EEIG1: variants seen among roughly 807,000 people sequenced by gnomAD.
EEIG1 encodes estrogen-induced osteoclastogenesis regulator 1, also known as early estrogen-induced gene 1 protein.
At chr9:127,947,393 G>A in the EEIG1 span, among the ~76,000 whole-genome samples, 1 of 151,804 alleles carries the variant, frequency 6.6e-6, no homozygotes, top group Non-Finnish European at 1.5e-5. Flanking sequence ...GTGAGATTGC[G>A]CCACTGCACT....
the EEIG1 span, among the ~76,000 whole-genome samples, chr9:127,966,490 T>C: frequency 3.3e-5 from 5 of 151,640 alleles, no homozygotes; most frequent in African/African-American, 1.2e-4. Context: ...GCATCCCTAT[T>C]TTACAAGCAC....
the EEIG1 span, among the ~76,000 whole-genome samples, chr9:127,970,419 G>T: frequency 6.6e-6 from 1 of 152,084 alleles, no homozygotes; most frequent in Non-Finnish European, 1.5e-5. Context: ...GCGCCTGGCC[G>T]CATCATACAC....
At chr9:127,957,685 C>T in the EEIG1 span, among the ~76,000 whole-genome samples, 11 of 152,298 alleles carry the variant, frequency 7.2e-5, no homozygotes, top group East Asian at 1.3e-3. Context: ...TAAAAATTCA[C>T]GCTTTTGATT....
chr9:127,969,128 G>A, the EEIG1 span, among the ~76,000 whole-genome samples: 1 of 152,202 alleles, frequency 6.6e-6, no homozygotes, highest in Non-Finnish European at 1.5e-5. Context: ...TGGGATTTGG[G>A]GAGAGCACAG....
chr9:127,947,023 C>A, the EEIG1 span, among the ~76,000 whole-genome samples: 2 of 152,166 alleles, frequency 1.3e-5, no homozygotes, highest in Non-Finnish European at 2.9e-5. Flanking sequence ...CCTGGCAACA[C>A]CCCCTCCTCC....
chr9:127,961,972 C>T, the EEIG1 span, among the ~76,000 whole-genome samples: 1 of 152,212 alleles, frequency 6.6e-6, no homozygotes, highest in Non-Finnish European at 1.5e-5. Context: ...GGGGCAGTCC[C>T]CACGGTGTCC....
chr9:127,966,169 G>T, the EEIG1 span, among the ~76,000 whole-genome samples: 3 of 152,164 alleles, frequency 2.0e-5, no homozygotes, highest in Non-Finnish European at 2.9e-5. Flanking sequence ...GCAGGGCATG[G>T]GCACAGGGTG....
At chr9:127,953,712 G>T in the EEIG1 span, 6 of 1,608,268 alleles carry the variant, frequency 3.7e-6, no homozygotes, top group African/African-American at 4.0e-5. Context: ...AACGGGCAGA[G>T]CAACTCACCC....
chr9:127,943,188 C>T, the EEIG1 span: 165 of 1,614,090 alleles, frequency 1.0e-4, 1 homozygote, highest in South Asian at 1.3e-3. Flanking sequence ...CGGACACCTG[C>T]TCCTCAATGG....
the EEIG1 span, chr9:127,944,577 C>A: frequency 6.6e-7 from 1 of 1,510,964 alleles, no homozygotes; most frequent in East Asian, 2.3e-5. Flanking sequence ...CCCCCAAGCC[C>A]CAGCCGCCCC....
chr9:127,943,281 T>C, the EEIG1 span: 12 of 1,594,402 alleles, frequency 7.5e-6, no homozygotes, highest in Non-Finnish European at 1.0e-5. Context: ...CGATACCCCA[T>C]TTCCTGAGCG....
chr9:127,972,049 C>T, the EEIG1 span, among the ~76,000 whole-genome samples: 2 of 152,090 alleles, frequency 1.3e-5, no homozygotes, highest in African/African-American at 4.8e-5. This position sits in a 1 kb window ranked among gnomAD's most constrained non-coding sequence, Gnocchi z 4.3. Context: ...GCCTGACAGC[C>T]AGTGCCCTCT....
chr9:127,976,757 C>T, the EEIG1 span, among the ~76,000 whole-genome samples: 6 of 152,082 alleles, frequency 3.9e-5, no homozygotes, highest in African/African-American at 9.7e-5. The surrounding 1 kb of genome is among the most constrained non-coding windows in gnomAD (Gnocchi z 4.1). Flanking sequence ...CCAGCCAGGA[C>T]GGCAGGTGCT....
the EEIG1 span, among the ~76,000 whole-genome samples, chr9:127,965,788 G>A: frequency 6.6e-6 from 1 of 152,234 alleles, no homozygotes; most frequent in Admixed American, 6.5e-5. Context: ...CGCCTGGGAG[G>A]AGCCTGCCCT....
chr9:127,965,887 C>G, the EEIG1 span, among the ~76,000 whole-genome samples: 30 of 152,334 alleles, frequency 2.0e-4, no homozygotes, highest in African/African-American at 7.0e-4. Flanking sequence ...TCAGGGGGAG[C>G]AGCTCACAGT....
At chr9:127,968,094 C>G in the EEIG1 span, among the ~76,000 whole-genome samples, 3 of 151,290 alleles carry the variant, frequency 2.0e-5, no homozygotes, top group African/African-American at 7.3e-5. Context: ...GCCACCACGC[C>G]TGGCTTCCTT....
the EEIG1 span, among the ~76,000 whole-genome samples, chr9:127,964,492 C>T: frequency 6.6e-6 from 1 of 152,236 alleles, no homozygotes; most frequent in African/African-American, 2.4e-5. Flanking sequence ...AGGATTCCTA[C>T]AGACAGGGGT....
chr9:127,974,289 C>G, the EEIG1 span, among the ~76,000 whole-genome samples: 1 of 152,150 alleles, frequency 6.6e-6, no homozygotes, highest in African/African-American at 2.4e-5. Flanking sequence ...GCAACCAGGC[C>G]ACGTGGCTCC....
chr9:127,950,461 C>T, the EEIG1 span: 1 of 1,613,994 alleles, frequency 6.2e-7, no homozygotes, highest in Non-Finnish European at 8.5e-7. Context: ...TTCTTCGTGT[C>T]ATATCCCTCG....
Sources: gnomAD v4.1 joint callset for allele counts (sites outside exome capture counted in the v4.1 genomes callset) on GRCh38, gnomAD v4.1.1 for gene constraint, Gnocchi (gnomAD v3.1) non-coding constraint, MANE v1.5 for transcripts, NCBI Gene and HGNC (gene_info 2026-07-23, HGNC 2026-07-21) for gene names.